SV2B: variants seen among roughly 807,000 people sequenced by gnomAD.
SV2B encodes the protein solute carrier family 22 member B2.
A neutral mutation model predicts 73.9 loss-of-function variants in SV2B; 41 were observed. The observed-to-expected ratio is 0.56, with a 90% CI of 0.43 to 0.72. SV2B has a LOEUF of 0.72. Among genes scored for constraint, SV2B ranks in the 30% least tolerant of loss-of-function variants. SV2B has a pLI of 0.00. For missense variants in SV2B, 764 were observed against 857.8 expected (o/e 0.89, Z 1.37); for synonymous variants, 314 against 314.2 (o/e 1.00, Z 0.01).
intron 12 of SV2B, 114 bp from the exon 13 acceptor site, chr15:91,292,255 G>GGAAA: frequency 1.0e-6 from 1 of 982,678 alleles, no homozygotes; most frequent in Non-Finnish European, 1.4e-6. Context: ...TTATATTTAG[G>GGAAA]AAAAAAAACT....
chr15:91,174,206 TAGAAGGTTCTCTGG>T (rs1413394605), intron 1 of SV2B, among the ~76,000 whole-genome samples: 1 of 152,126 alleles, frequency 6.6e-6, no homozygotes, highest in Non-Finnish European at 1.5e-5. Context: ...ACATGAAAAA[TAGAAGGTTCTCTGG>T]TTAAGAAAGT....
chr15:91,281,442 T>G lies in SV2B; in HGVS notation c.1374-286T>G, dbSNP rs2048677566. Among the ~76,000 whole-genome samples, 1 of 152,214 alleles carries G rather than the reference T, an allele frequency of 6.6e-6. No homozygotes were observed. Among genetic ancestry groups the G allele is most frequent in the African/African-American group, 2.4e-5 (1 of 41,438 alleles). On this transcript the variant is annotated intron_variant, in intron 9 of 12. Transcript: ENST00000394232. The surrounding 1 kb of genome is among the most constrained non-coding windows in gnomAD (Gnocchi z 4.7). ...TTTAAATTTCACACTATTTCACATTTCTGTGATTCTGACTTAGAAGGTCCG... is the reference window on the plus strand; with the variant it reads ...TTTAAATTTCACACTATTTCACATTGCTGTGATTCTGACTTAGAAGGTCCG...
rs1052442795 is a variant in SV2B, at chr15:91,136,202, C to T, written c.-392+35839C>T. Reference sequence around the variant, plus strand: ...GGTCTCTGATATGCCAAAGAGGGGCCTGCTGGAGAGAACTTAGCAGGATGC... The same window carrying T: ...GGTCTCTGATATGCCAAAGAGGGGCTTGCTGGAGAGAACTTAGCAGGATGC... On this transcript the variant is annotated intron_variant, in intron 1 of 12. Coordinates refer to ENST00000394232, the MANE Select transcript of SV2B (RefSeq NM_001323032.3). The surrounding 1 kb of genome is among the most constrained non-coding windows in gnomAD (Gnocchi z 5.6). 6.6e-6 allele frequency among the ~76,000 whole-genome samples: 1 copy of T among 152,192 alleles called. No homozygotes were observed. Among genetic ancestry groups the T allele is most frequent in the Admixed American group, 6.5e-5 (1 of 15,280 alleles).
intron 2 of SV2B, among the ~76,000 whole-genome samples, chr15:91,251,343 C>T (rs1209248661): frequency 6.6e-6 from 1 of 152,196 alleles, no homozygotes; most frequent in East Asian, 1.9e-4. Context: ...GAAGAAAGGT[C>T]CTTCTTGGAT....
intron 1 of SV2B, among the ~76,000 whole-genome samples, chr15:91,204,638 C>A (rs1302721919): frequency 4.7e-5 from 7 of 150,518 alleles, no homozygotes; most frequent in African/African-American, 1.5e-4. Context: ...CTCACTGTAG[C>A]CTTGAACCTC....
chr15:91,263,741 C>T (rs984137187), intron 6 of SV2B, among the ~76,000 whole-genome samples: 1 of 152,130 alleles, frequency 6.6e-6, no homozygotes, highest in South Asian at 2.1e-4. Flanking sequence ...CCATACCAAG[C>T]GTTTGGGTTG....
chr15:91,289,139 A>C lies in SV2B; in HGVS notation c.1709-382A>C, dbSNP rs563957839. On this transcript the variant is annotated intron_variant, in intron 11 of 12. Coordinates refer to ENST00000394232, the MANE Select transcript of SV2B (RefSeq NM_001323032.3). The surrounding 1 kb of genome is among the most constrained non-coding windows in gnomAD (Gnocchi z 4.9). ...ACATCCTGGTTTCAAATCAAGACTGAGGTTTTTGTTTTTGTTTTTTGGCCA... is the reference window on the plus strand; with the variant it reads ...ACATCCTGGTTTCAAATCAAGACTGCGGTTTTTGTTTTTGTTTTTTGGCCA... 6.6e-6 allele frequency among the ~76,000 whole-genome samples: 1 copy of C among 152,230 alleles called. No individual in the cohort carries two copies. The highest frequency in any genetic ancestry group is 2.4e-5 in the African/African-American group (1 of 41,518).
At chr15:91,218,318 G>C (rs2046103234) in intron 1 of SV2B, among the ~76,000 whole-genome samples, 1 of 152,176 alleles carries the variant, frequency 6.6e-6, no homozygotes, top group Non-Finnish European at 1.5e-5. Context: ...TTCTTTTCCT[G>C]TGGGTATAGG....
At position 91,267,581 on chromosome 15, in the gene SV2B, G is replaced by A; in HGVS notation, c.1146G>A (p.Val382=). The A allele has an allele frequency of 6.2e-7, 1 of 1,613,502 alleles. No individual in the cohort carries two copies. The highest frequency in any genetic ancestry group is 8.5e-7 in the Non-Finnish European group (1 of 1,179,738). Residue 382 remains valine (V), a synonymous_variant, in exon 8 of 13, where the codon GTG becomes GTA. Coordinates refer to ENST00000394232, the MANE Select transcript of SV2B (RefSeq NM_001323032.3). The surrounding 1 kb of genome is among the most constrained non-coding windows in gnomAD (Gnocchi z 4.3). ...KQVWDNALYC[V]MGPYRMNTLI... is the part of the protein sequence containing the mutation. The stretch of plus-strand genomic sequence containing the variant: ...TCTGGGATAATGCCCTGTACTGTGT[G>A]ATGGGGCCCTACAGAATGAATACAC...
At chr15:91,174,638 T>C (rs568739139) in intron 1 of SV2B, among the ~76,000 whole-genome samples, 4 of 152,354 alleles carry the variant, frequency 2.6e-5, no homozygotes, top group African/African-American at 9.6e-5. Flanking sequence ...GTTTACACTC[T>C]GGAGAAGCGC....
chr15:91,172,634 T>C (rs1369456966), intron 1 of SV2B, among the ~76,000 whole-genome samples: 2 of 152,296 alleles, frequency 1.3e-5, no homozygotes, highest in East Asian at 1.9e-4. Context: ...CCCCAACACA[T>C]AGAAGCAGAG....
At position 91,294,016 on chromosome 15, in the gene SV2B, G is replaced by A. The variant is rs1409100291; in HGVS notation, c.*1464G>A. 6.6e-6 allele frequency: 1 copy of A among 152,186 alleles called. No homozygotes were observed. Among genetic ancestry groups the A allele is most frequent in the Non-Finnish European group, 1.5e-5 (1 of 68,040 alleles). 9.4% of individuals were successfully genotyped at this position (152,186 alleles called of 1,614,324 possible). On this transcript the variant is annotated 3_prime_UTR_variant, in exon 13 of 13. Coordinates refer to ENST00000394232, the MANE Select transcript of SV2B (RefSeq NM_001323032.3). This position sits in a 1 kb window ranked among gnomAD's most constrained non-coding sequence, Gnocchi z 4.1. Reference sequence around the variant, plus strand: ...CATCAGAACTGTCTGACAATGGAGGGGACAGTGAGCTACGCACAACTGCCA... The same window carrying A: ...CATCAGAACTGTCTGACAATGGAGGAGACAGTGAGCTACGCACAACTGCCA...
At position 91,258,274 on chromosome 15, in the gene SV2B, A is replaced by G; in HGVS notation, c.785-147A>G. On this transcript the variant is annotated intron_variant, in intron 4 of 12. Transcript: ENST00000394232. This position sits in a 1 kb window ranked among gnomAD's most constrained non-coding sequence, Gnocchi z 4.7. ...CAGGCTTATGACTCAGAAGCTTCGGAGGCACAGCTGAGGAGTCTGCATTTT... is the reference window on the plus strand; with the variant it reads ...CAGGCTTATGACTCAGAAGCTTCGGGGGCACAGCTGAGGAGTCTGCATTTT... The G allele has an allele frequency of 9.5e-7, 1 of 1,053,946 alleles. No individual in the cohort carries two copies. The highest frequency in any genetic ancestry group is 1.3e-6 in the Non-Finnish European group (1 of 763,102). 65.3% of individuals were successfully genotyped at this position (1,053,946 alleles called of 1,614,324 possible).
intron 4 of SV2B, among the ~76,000 whole-genome samples, chr15:91,254,287 A>T (rs1310490262): frequency 2.1e-5 from 3 of 140,894 alleles, no homozygotes; most frequent in Non-Finnish European, 3.0e-5. Flanking sequence ...CCCAGGCTGG[A>T]GTGCAGTAGC....
chr15:91,152,570 A>G (rs2043346860), intron 1 of SV2B, among the ~76,000 whole-genome samples: 1 of 152,220 alleles, frequency 6.6e-6, no homozygotes, highest in Admixed American at 6.5e-5. Context: ...AACAGGAAAA[A>G]CAGTATTGCT....
intron 1 of SV2B, among the ~76,000 whole-genome samples, chr15:91,217,351 T>C (rs549320211): frequency 1.0e-3 from 152 of 152,184 alleles, no homozygotes; most frequent in African/African-American, 3.6e-3. Flanking sequence ...CACCAATAAT[T>C]CCAGTATAAT....
chr15:91,123,427 A>G lies in SV2B; in HGVS notation c.-392+23064A>G, dbSNP rs932256222. On this transcript the variant is annotated intron_variant, in intron 1 of 12. Coordinates refer to ENST00000394232, the MANE Select transcript of SV2B (RefSeq NM_001323032.3). This position sits in a 1 kb window ranked among gnomAD's most constrained non-coding sequence, Gnocchi z 4.7. ...AACATTTTATATATAACAAATATAC[A>G]TAATTTTTATTTGTCAATTAAAAGA... is the stretch of plus-strand genomic sequence containing the variant. Among the ~76,000 whole-genome samples the G allele has an allele frequency of 6.6e-6, 1 of 152,222 alleles. No homozygotes were observed.
At chr15:91,151,855 A>G (rs2043321901) in intron 1 of SV2B, among the ~76,000 whole-genome samples, 1 of 152,182 alleles carries the variant, frequency 6.6e-6, no homozygotes, top group South Asian at 2.1e-4. Context: ...AATTTCCAAC[A>G]GTGAAGTTTC....
chr15:91,217,390 A>G (rs982542480), intron 1 of SV2B, among the ~76,000 whole-genome samples: 7 of 152,132 alleles, frequency 4.6e-5, no homozygotes, highest in Admixed American at 2.0e-4. Flanking sequence ...GTGCAATGCT[A>G]TGGGACCTCT....
Sources: allele counts gnomAD v4.1 joint callset (sites outside exome capture counted in the v4.1 genomes callset), GRCh38; gene constraint gnomAD v4.1.1; non-coding constraint Gnocchi (gnomAD v3.1); transcripts MANE v1.5; gene names NCBI Gene and HGNC (gene_info 2026-07-23, HGNC 2026-07-21).